RABL3: variants seen among roughly 807,000 people sequenced by gnomAD.
RABL3 encodes rab-like protein 3.
Under a neutral mutation model 31.8 loss-of-function variants are expected in RABL3, and 31 were observed. The ratio of observed to expected loss-of-function variants is 0.97; its 90% CI spans 0.73 to 1.31. The LOEUF is 1.31. Ranked by LOEUF, RABL3 falls within the 40% of genes most tolerant of loss-of-function variation. The pLI, the probability that RABL3 is intolerant of heterozygous loss-of-function variation, is 0.00. For synonymous variants in RABL3, 97 were observed against 99.9 expected (o/e 0.97, Z 0.18); for missense variants, 263 against 279.6 (o/e 0.94, Z 0.42).
At position 120,698,540 on chromosome 3, in the gene RABL3, T is replaced by A; in HGVS notation, c.417A>T (p.Gln139His). ...DYDQEQFADN[Q>H]IPLLVIGTKL... ...TAGTCCCTATTACCAACAGTGGTAT[T>A]TGGTTATCAGCAAACTGTTCTTGAT... Residue 139 changes from glutamine (Q) to histidine (H), a missense_variant, in exon 5 of 8, where the codon CAA becomes CAT. Physicochemically the swap from Gln to His is conservative, Grantham distance 24 (BLOSUM62 0). Transcript: ENST00000273375. The A allele has an allele frequency of 6.2e-7, 1 of 1,613,214 alleles. No homozygotes were observed. Among genetic ancestry groups the A allele is most frequent in the Non-Finnish European group, 8.5e-7 (1 of 1,179,350 alleles).
rs985060159 is a variant in RABL3 at position 120,685,861 on chromosome 3, A to G, written c.*3962T>C. ...AAATACAAAATCCTGGCCTTATCCTATACATATAGAAAGGGGAGAGTAAGG... is the reference window on the plus strand; with the variant it reads ...AAATACAAAATCCTGGCCTTATCCTGTACATATAGAAAGGGGAGAGTAAGG... On this transcript the variant is annotated 3_prime_UTR_variant, in exon 8 of 8. Coordinates refer to ENST00000273375, the MANE Select transcript of RABL3 (RefSeq NM_173825.5). Among the ~76,000 whole-genome samples, 2 of 152,220 alleles carry G rather than the reference A, an allele frequency of 1.3e-5. No individual in the cohort carries two copies. The highest frequency in any genetic ancestry group is 2.9e-5 in the Non-Finnish European group (2 of 68,040).
chr3:120,704,981 G>A (rs1288188544), intron 4 of RABL3, among the ~76,000 whole-genome samples: 1 of 152,108 alleles, frequency 6.6e-6, no homozygotes, highest in African/African-American at 2.4e-5. Context: ...AACTGAGATC[G>A]TGCTACTGCA....
intron 4 of RABL3, among the ~76,000 whole-genome samples, chr3:120,702,949 C>A (rs534148969): frequency 2.6e-5 from 4 of 152,260 alleles, no homozygotes; most frequent in African/African-American, 7.2e-5. Context: ...TACCACTTGG[C>A]CCTGGACATA....
At chr3:120,730,065 T>C (rs979728062) in intron 2 of RABL3, among the ~76,000 whole-genome samples, 1 of 151,894 alleles carries the variant, frequency 6.6e-6, no homozygotes, top group Non-Finnish European at 1.5e-5. Context: ...TCAGCAGCAA[T>C]GTAAATCAGA....
chr3:120,695,413 G>A (rs141196535), intron 5 of RABL3, among the ~76,000 whole-genome samples: 1,635 of 152,204 alleles, frequency 0.011, 28 homozygotes, highest in African/African-American at 0.038. Context: ...ACACTGGTTA[G>A]GGTACTAAAC....
At chr3:120,740,266 A>AT (rs916996321) in intron 1 of RABL3, among the ~76,000 whole-genome samples, 15 of 151,494 alleles carry the variant, frequency 9.9e-5, no homozygotes, top group African/African-American at 1.7e-4. Context: ...TATTCTTTTT[A>AT]TTTTTTTTTC....
chr3:120,699,415 T>A (rs1389123737), intron 4 of RABL3, among the ~76,000 whole-genome samples: 1 of 152,202 alleles, frequency 6.6e-6, no homozygotes, highest in Non-Finnish European at 1.5e-5. Context: ...TAAATGATAC[T>A]TCTCATTACT....
chr3:120,691,173 A>G (rs41374647), intron 6 of RABL3, among the ~76,000 whole-genome samples: 6 of 152,058 alleles, frequency 3.9e-5, no homozygotes, highest in Non-Finnish European at 8.8e-5. Context: ...TCCAAATGTA[A>G]TAAGTTTAAG....
At chr3:120,696,635 G>A (rs111371474) in intron 5 of RABL3, among the ~76,000 whole-genome samples, 2,666 of 150,944 alleles carry the variant, frequency 0.018, 80 homozygotes, top group African/African-American at 0.062. Context: ...ACACATGCAC[G>A]CGATTATCAG....
chr3:120,719,550 G>C (rs942854012), intron 2 of RABL3, among the ~76,000 whole-genome samples: 1 of 152,230 alleles, frequency 6.6e-6, no homozygotes, highest in African/African-American at 2.4e-5. Flanking sequence ...CCAGAAGATT[G>C]TATCTCGCTC....
chr3:120,711,102 T>C (rs993381303), intron 2 of RABL3, among the ~76,000 whole-genome samples: 6 of 152,148 alleles, frequency 3.9e-5, no homozygotes, highest in Admixed American at 2.6e-4. Flanking sequence ...CTAGTTTTCT[T>C]CCTATCTCAT....
chr3:120,739,153 C>G (rs903816450), intron 1 of RABL3, among the ~76,000 whole-genome samples: 1 of 152,082 alleles, frequency 6.6e-6, no homozygotes. Flanking sequence ...CTGAGGCAGG[C>G]AGATCACGAG....
At chr3:120,695,511 C>A (rs1576330913) in intron 5 of RABL3, among the ~76,000 whole-genome samples, 1 of 152,152 alleles carries the variant, frequency 6.6e-6, no homozygotes, top group Admixed American at 6.5e-5. Context: ...TAATCCATAC[C>A]TGGACATACT....
chr3:120,731,063 A>G (rs1210113445), intron 1 of RABL3, among the ~76,000 whole-genome samples: 1 of 152,198 alleles, frequency 6.6e-6, no homozygotes, highest in Non-Finnish European at 1.5e-5. Context: ...TTGGGGCCCA[A>G]GATTTCTAAC....
At chr3:120,733,213 C>T (rs1708908946) in intron 1 of RABL3, among the ~76,000 whole-genome samples, 1 of 152,198 alleles carries the variant, frequency 6.6e-6, no homozygotes, top group Non-Finnish European at 1.5e-5. Context: ...TCCACATCCT[C>T]TCCAGCACCT....
chr3:120,714,802 T>C (rs1311829821), intron 2 of RABL3, among the ~76,000 whole-genome samples: 2 of 152,196 alleles, frequency 1.3e-5, no homozygotes, highest in African/African-American at 4.8e-5. Flanking sequence ...CTCTTGTCGT[T>C]CATTTTGGCT....
intron 1 of RABL3, among the ~76,000 whole-genome samples, chr3:120,733,113 C>T (rs140451223): frequency 0.02 from 2,985 of 152,182 alleles, 93 homozygotes; most frequent in African/African-American, 0.064. Context: ...GTATTTCTAG[C>T]TCTAGATCCT....
chr3:120,695,729 T>A (rs973716177), intron 5 of RABL3, among the ~76,000 whole-genome samples: 3 of 152,142 alleles, frequency 2.0e-5, no homozygotes, highest in Non-Finnish European at 4.4e-5. Context: ...AAACCTTAGA[T>A]CTGTGGTAGA....
intron 1 of RABL3, among the ~76,000 whole-genome samples, chr3:120,737,266 C>T (rs1354636761): frequency 1.3e-5 from 2 of 152,202 alleles, no homozygotes; most frequent in Admixed American, 1.3e-4. Context: ...CACTTAATTT[C>T]ATACATTTGA....
Sources: gnomAD v4.1 joint callset for allele counts (sites outside exome capture counted in the v4.1 genomes callset) on GRCh38, gnomAD v4.1.1 for gene constraint, MANE v1.5 for transcripts, NCBI Gene and HGNC (gene_info 2026-07-23, HGNC 2026-07-21) for gene names.